Variants in MAGI2 observed in about 807,000 individuals in gnomAD.
The protein encoded by MAGI2 is membrane-associated guanylate kinase, WW and PDZ domain-containing protein 2.
Under a neutral mutation model 133.3 loss-of-function variants are expected in MAGI2, and 35 were observed. The ratio of observed to expected loss-of-function variants is 0.26; its 90% CI spans 0.20 to 0.35. The LOEUF is 0.35. Among genes scored for constraint, MAGI2 ranks in the 10% least tolerant of loss-of-function variants. The probability of loss-of-function intolerance (pLI) is 1.00; values close to 1 mark genes in which losing one functional copy is unlikely to be tolerated. For synonymous variants in MAGI2, 729 were observed against 710.6 expected, an observed-to-expected ratio of 1.03 and a Z score of -0.41; for missense variants, 1,636 against 1,863.4, an observed-to-expected ratio of 0.88 and a Z score of 2.25.
At chr7:78,273,775 T>C (rs951433799) in intron 9 of MAGI2, among the ~76,000 whole-genome samples, 1 of 152,230 alleles carries the variant, frequency 6.6e-6, no homozygotes, top group African/African-American at 2.4e-5. Context: ...GCTGTGTTTT[T>C]CAGCTCCATC....
intron 1 of MAGI2, among the ~76,000 whole-genome samples, chr7:79,363,991 T>G (rs1449579466): frequency 6.6e-6 from 1 of 151,950 alleles, no homozygotes; most frequent in Non-Finnish European, 1.5e-5. Context: ...TATAAAAAAA[T>G]GTTTAACATC....
chr7:78,156,670 A>G (rs540909913), intron 16 of MAGI2, among the ~76,000 whole-genome samples: 74 of 152,128 alleles, frequency 4.9e-4, no homozygotes, highest in Admixed American at 8.5e-4. Flanking sequence ...TTAGTAAGTG[A>G]TAGAGCCATG....
At chr7:78,823,805 A>C (rs1790376629) in intron 2 of MAGI2, among the ~76,000 whole-genome samples, 1 of 152,186 alleles carries the variant, frequency 6.6e-6, no homozygotes, top group Non-Finnish European at 1.5e-5. Flanking sequence ...GCAAATAAGC[A>C]ATCAAGTCCA....
rs796519482 is a variant in MAGI2 at position 79,239,625 on chromosome 7, GACTTGGC to G, written c.301+213388_301+213394del. On this transcript the variant is annotated intron_variant, in intron 1 of 21. Transcript: ENST00000354212. The stretch of plus-strand genomic sequence containing the variant: ...TTCCACCCCCTGACATCTAGAAATG[GACTTGGC>G]ACTCAGAGGTGAACCCTGTTACTCT... Among the ~76,000 whole-genome samples the G allele has an allele frequency of 5.6e-4, 86 of 152,226 alleles. 2 individuals are homozygous for G. Among genetic ancestry groups the G allele is most frequent in the African/African-American group, 2.0e-3 (83 of 41,548 alleles).
At chr7:78,086,385 A>G (rs1816644992) in intron 20 of MAGI2, among the ~76,000 whole-genome samples, 1 of 148,550 alleles carries the variant, frequency 6.7e-6, no homozygotes, top group South Asian at 2.2e-4. Context: ...TTACAGGCGC[A>G]CTCCACCACG....
chr7:78,254,601 C>T (rs1341844238), intron 10 of MAGI2: 4 of 152,288 alleles, frequency 2.6e-5, no homozygotes, highest in African/African-American at 9.6e-5. Context: ...TAGAGTGCTG[C>T]TCACAAATGC....
At chr7:78,336,466 T>C (rs1274865712) in intron 9 of MAGI2, among the ~76,000 whole-genome samples, 2 of 152,202 alleles carry the variant, frequency 1.3e-5, no homozygotes, top group South Asian at 2.1e-4. Flanking sequence ...CTCATAACTG[T>C]AATCCCAGGA....
At chr7:78,515,130 C>T (rs1010045628) in intron 4 of MAGI2, among the ~76,000 whole-genome samples, 17 of 152,158 alleles carry the variant, frequency 1.1e-4, no homozygotes, top group Middle Eastern at 3.4e-3. Flanking sequence ...AATTACTTTC[C>T]GGAAAAGTTT....
At chr7:79,338,670 G>A (rs896662903) in intron 1 of MAGI2, among the ~76,000 whole-genome samples, 3 of 152,052 alleles carry the variant, frequency 2.0e-5, no homozygotes, top group African/African-American at 4.8e-5. Context: ...TACTGCTTTC[G>A]TCAGATTCTC....
intron 1 of MAGI2, among the ~76,000 whole-genome samples, chr7:79,050,668 C>A (rs1239150801): frequency 6.6e-6 from 1 of 152,192 alleles, no homozygotes; most frequent in Non-Finnish European, 1.5e-5. Context: ...AAAGCGTGAG[C>A]CATTGCACCC....
chr7:78,240,105 G>A (rs550651330), intron 10 of MAGI2, among the ~76,000 whole-genome samples: 6 of 152,256 alleles, frequency 3.9e-5, no homozygotes, highest in Admixed American at 1.3e-4. Flanking sequence ...TTTACGTTAG[G>A]TATTTCTCCT....
At chr7:79,148,883 A>G (rs1822909906) in intron 1 of MAGI2, among the ~76,000 whole-genome samples, 1 of 147,102 alleles carries the variant, frequency 6.8e-6, no homozygotes, top group South Asian at 2.1e-4. Flanking sequence ...ATACATATAT[A>G]TGTTTTATAT....
chr7:78,471,162 A>G (rs1054696172), intron 6 of MAGI2, among the ~76,000 whole-genome samples: 1 of 152,296 alleles, frequency 6.6e-6, no homozygotes, highest in Middle Eastern at 3.4e-3. Flanking sequence ...AGAAGACCAT[A>G]CATAGGATGA....
At chr7:78,680,603 C>T (rs898972416) in intron 2 of MAGI2, among the ~76,000 whole-genome samples, 14 of 152,168 alleles carry the variant, frequency 9.2e-5, no homozygotes, top group Admixed American at 3.9e-4. Context: ...ATTATATCCA[C>T]AACATTTCCA....
chr7:79,452,159 A>G (rs1280217358), intron 1 of MAGI2, among the ~76,000 whole-genome samples: 1 of 152,118 alleles, frequency 6.6e-6, no homozygotes, highest in East Asian at 1.9e-4. Context: ...GGAGAGCCCA[A>G]CCACAGAGGA....
At chr7:78,783,306 C>A (rs902609533) in intron 2 of MAGI2, among the ~76,000 whole-genome samples, 1 of 152,012 alleles carries the variant, frequency 6.6e-6, no homozygotes, top group African/African-American at 2.4e-5. Context: ...AAACAAACAA[C>A]TTTTAATGCT....
intron 2 of MAGI2, among the ~76,000 whole-genome samples, chr7:78,785,020 G>A (rs1295613310): frequency 4.6e-5 from 7 of 152,250 alleles, no homozygotes; most frequent in Non-Finnish European, 7.4e-5. Flanking sequence ...TTCTTCATGC[G>A]TATATGTGAA....
intron 2 of MAGI2, among the ~76,000 whole-genome samples, chr7:78,873,546 A>G (rs1010114196): frequency 2.6e-5 from 4 of 152,228 alleles, no homozygotes; most frequent in African/African-American, 9.6e-5. Context: ...AGATGGGACC[A>G]TTTAGTTGCA....
At chr7:78,809,785 A>G (rs578177001) in intron 2 of MAGI2, among the ~76,000 whole-genome samples, 8 of 152,198 alleles carry the variant, frequency 5.3e-5, no homozygotes, top group Non-Finnish European at 1.2e-4. Context: ...AATTTCCAGA[A>G]TAATCATGTA....
Sources: allele counts gnomAD v4.1 joint callset (sites outside exome capture counted in the v4.1 genomes callset), GRCh38; gene constraint gnomAD v4.1.1; transcripts MANE v1.5; gene names NCBI Gene and HGNC (gene_info 2026-07-23, HGNC 2026-07-21).